Variants in ADGRA1 observed in about 807,000 individuals in gnomAD.
ADGRA1 encodes adhesion G protein-coupled receptor A1.
In ADGRA1, 12 loss-of-function variants were observed where a neutral mutation model predicts 21.3. The observed-to-expected ratio is 0.56, with a 90% CI of 0.36 to 0.91. The LOEUF is 0.91. ADGRA1 is among the 40% of genes least tolerant of loss of function. The pLI is 0.01. For synonymous variants in ADGRA1, 385 were observed against 368.8 expected (o/e 1.04, Z -0.50); for missense variants, 790 against 805.6 (o/e 0.98, Z 0.23).
intron 4 of ADGRA1, among the ~76,000 whole-genome samples, 174 bp downstream of exon 4, chr10:133,098,937 AC>A (rs977002288): frequency 3.3e-5 from 5 of 152,086 alleles, no homozygotes; most frequent in African/African-American, 1.2e-4. Flanking sequence ...TCCACGTTTG[AC>A]CCCAGGGTTG....
At chr10:133,126,595 G>A (rs775905334) in intron 5 of ADGRA1, among the ~76,000 whole-genome samples, 4 of 152,184 alleles carry the variant, frequency 2.6e-5, no homozygotes, top group East Asian at 3.9e-4. Flanking sequence ...TCCGGGACAC[G>A]CTGCATCCCG....
At chr10:133,121,428 T>C (rs1320987210) in intron 5 of ADGRA1, among the ~76,000 whole-genome samples, 1 of 141,052 alleles carries the variant, frequency 7.1e-6, no homozygotes, top group East Asian at 2.1e-4. Context: ...GTGTGGTGTG[T>C]CAGTGTGCGT....
chr10:133,092,721 C>T (rs924051629), intron 2 of ADGRA1, among the ~76,000 whole-genome samples: 9 of 140,166 alleles, frequency 6.4e-5, no homozygotes, highest in African/African-American at 2.4e-4. Context: ...CAGGAAGAAG[C>T]ACCTGAATGA....
chr10:133,121,465 T>C (rs1392114374), intron 5 of ADGRA1, among the ~76,000 whole-genome samples: 1 of 147,850 alleles, frequency 6.8e-6, no homozygotes, highest in Non-Finnish European at 1.5e-5. Flanking sequence ...AGTGTGTCAG[T>C]GTGCGTGTGT....
At chr10:133,106,659 G>A (rs147938883) in intron 5 of ADGRA1, among the ~76,000 whole-genome samples, 3,890 of 152,368 alleles carry the variant, frequency 0.026, 75 homozygotes, top group Non-Finnish European at 0.04. Flanking sequence ...TCCCCGCATC[G>A]GGGGTACGGC....
chr10:133,127,414 G>A (rs1452945071), intron 6 of ADGRA1, 83 bp downstream of exon 6: 6 of 1,077,582 alleles, frequency 5.6e-6, no homozygotes, highest in Non-Finnish European at 8.1e-6. Flanking sequence ...CTGTGGTGGG[G>A]AAGCCCAGGA....
intron 5 of ADGRA1, among the ~76,000 whole-genome samples, chr10:133,123,890 C>T (rs10857782): frequency 0.18 from 27,953 of 152,162 alleles, 3,028 homozygotes; most frequent in East Asian, 0.44. Context: ...CAGTCTCCAC[C>T]ATTCACCGCC....
chr10:133,089,069 T>A, intron 2 of ADGRA1, 157 bp downstream of exon 2: 2 of 1,218,830 alleles, frequency 1.6e-6, no homozygotes, highest in Non-Finnish European at 2.1e-6. Flanking sequence ...CTCTGTGGAG[T>A]GGGGGCCGGG....
chr10:133,097,251 G>A (rs576123353), intron 3 of ADGRA1, 150 bp downstream of exon 3: 54 of 947,180 alleles, frequency 5.7e-5, no homozygotes, highest in South Asian at 4.4e-4. Context: ...GCTCAGACCC[G>A]CTCAGCAGCC....
At chr10:133,090,451 A>G (rs954778405) in intron 2 of ADGRA1, among the ~76,000 whole-genome samples, 2 of 152,118 alleles carry the variant, frequency 1.3e-5, no homozygotes, top group African/African-American at 2.4e-5. Context: ...TATTCACAAC[A>G]AGTAACATTT....
chr10:133,103,702 C>T (rs1311330712), intron 5 of ADGRA1, among the ~76,000 whole-genome samples: 2 of 152,236 alleles, frequency 1.3e-5, no homozygotes, highest in African/African-American at 2.4e-5. Context: ...AGGAAAAAGC[C>T]GGGTCAGGGA....
intron 4 of ADGRA1, among the ~76,000 whole-genome samples, chr10:133,100,076 C>T (rs1013543917): frequency 5.3e-5 from 8 of 152,366 alleles, no homozygotes; most frequent in African/African-American, 1.7e-4. Flanking sequence ...CAGGCGCTCA[C>T]ACAAACACAG....
At chr10:133,090,880 G>A (rs1851586837) in intron 2 of ADGRA1, among the ~76,000 whole-genome samples, 1 of 152,192 alleles carries the variant, frequency 6.6e-6, no homozygotes, top group African/African-American at 2.4e-5. Flanking sequence ...AGCTTGGCTG[G>A]GCCAGGCCGT....
At chr10:133,092,625 T>C (rs1195998326) in intron 2 of ADGRA1, among the ~76,000 whole-genome samples, 4 of 151,792 alleles carry the variant, frequency 2.6e-5, no homozygotes, top group African/African-American at 4.8e-5. Context: ...TACATCAGGC[T>C]CTCAGGAAAT....
intron 5 of ADGRA1, among the ~76,000 whole-genome samples, chr10:133,121,525 G>C (rs1015114552): frequency 2.0e-5 from 3 of 150,444 alleles, no homozygotes; most frequent in African/African-American, 7.4e-5. Flanking sequence ...GAGTGCCTGT[G>C]CATGTCCAGT....
At chr10:133,115,418 C>T (rs1852138603) in intron 5 of ADGRA1, among the ~76,000 whole-genome samples, 1 of 152,202 alleles carries the variant, frequency 6.6e-6, no homozygotes, top group South Asian at 2.1e-4. Flanking sequence ...GAAAGCCGGG[C>T]CCTGGATCTG....
In ADGRA1 at chr10:133,128,347, G is replaced by C; in HGVS notation, c.519G>C (p.Glu173Asp). Reference sequence around the variant, plus strand: ...CCCACAGCTGCTGGATGGCCTGGGAGCCCAGCCTGGGCGCCTTCTACGGCC... The same window carrying C: ...CCCACAGCTGCTGGATGGCCTGGGACCCCAGCCTGGGCGCCTTCTACGGCC... ...EDTAYCWMAW[E>D]PSLGAFYGPA... Residue 173 changes from glutamate (E) to aspartate (D), a missense_variant, in exon 7 of 7, where the codon GAG becomes GAC. Coordinates refer to ENST00000392607, the MANE Select transcript of ADGRA1 (RefSeq NM_001083909.3). The C allele has an allele frequency of 1.3e-6, 2 of 1,554,486 alleles. No individual in the cohort carries two copies. The highest frequency in any genetic ancestry group is 1.7e-6 in the Non-Finnish European group (2 of 1,152,118).
intron 5 of ADGRA1, among the ~76,000 whole-genome samples, chr10:133,118,456 G>A (rs1358343192): frequency 6.6e-6 from 1 of 152,080 alleles, no homozygotes; most frequent in African/African-American, 2.4e-5. Flanking sequence ...ACATGACTGG[G>A]AGGCCTCAGG....
chr10:133,112,391 TAC>T (rs1852053976), intron 5 of ADGRA1, among the ~76,000 whole-genome samples: 4 of 140,598 alleles, frequency 2.8e-5, no homozygotes, highest in Admixed American at 1.4e-4. Context: ...ATTTGGGGTC[TAC>T]GGGCCGCGTC....
Sources: allele counts gnomAD v4.1 joint callset (sites outside exome capture counted in the v4.1 genomes callset), GRCh38; gene constraint gnomAD v4.1.1; transcripts MANE v1.5; gene names NCBI Gene and HGNC (gene_info 2026-07-23, HGNC 2026-07-21).